CNTN5: variants seen among roughly 807,000 people sequenced by gnomAD.
CNTN5 encodes the protein contactin 5.
CNTN5 carries 77 observed loss-of-function variants against 129.1 expected under a neutral mutation model. The observed-to-expected ratio is 0.60, with a 90% CI of 0.50 to 0.72. The LOEUF (loss-of-function observed/expected upper bound fraction) is 0.72. Ranked by LOEUF, CNTN5 falls within the 30% of genes least tolerant of loss-of-function variation. CNTN5 has a pLI of 0.00. For missense variants in CNTN5, 1,478 were observed against 1,328.8 expected, an observed-to-expected ratio of 1.11 and a Z score of -1.75; for synonymous variants, 509 against 465.6, an observed-to-expected ratio of 1.09 and a Z score of -1.20.
chr11:99,626,353 C>G (rs565362577), intron 3 of CNTN5, among the ~76,000 whole-genome samples: 32 of 152,192 alleles, frequency 2.1e-4, no homozygotes, highest in Admixed American at 7.8e-4. Context: ...TTTTTAACAT[C>G]ACGGAATAAT....
At chr11:99,587,106 T>A (rs1433924006) in intron 3 of CNTN5, among the ~76,000 whole-genome samples, 1 of 151,970 alleles carries the variant, frequency 6.6e-6, no homozygotes, top group African/African-American at 2.4e-5. Context: ...CCAGGTCATA[T>A]TGCAATGAAG....
chr11:99,906,627 CA>C (rs1949513863), intron 6 of CNTN5, among the ~76,000 whole-genome samples: 1 of 151,966 alleles, frequency 6.6e-6, no homozygotes, highest in Non-Finnish European at 1.5e-5. Flanking sequence ...GTGTCTCTAC[CA>C]GGTTTTGGTA....
chr11:100,196,316 G>C (rs1268679442), intron 15 of CNTN5, among the ~76,000 whole-genome samples: 1 of 115,592 alleles, frequency 8.7e-6, no homozygotes, highest in Non-Finnish European at 2.0e-5. Flanking sequence ...GTGGGAAAAA[G>C]AGATAACAAT....
chr11:99,634,812 G>A (rs969281263), intron 3 of CNTN5, among the ~76,000 whole-genome samples: 5 of 152,118 alleles, frequency 3.3e-5, no homozygotes, highest in African/African-American at 1.2e-4. Context: ...ACAGAAGTAG[G>A]CAAGATGACA....
At chr11:100,152,702 C>G (rs1225412834) in intron 13 of CNTN5, among the ~76,000 whole-genome samples, 1 of 151,962 alleles carries the variant, frequency 6.6e-6, no homozygotes. Context: ...GAAGTATAAC[C>G]TGTATTATTT....
At chr11:99,878,803 C>T (rs1217859793) in intron 6 of CNTN5, among the ~76,000 whole-genome samples, 1 of 151,912 alleles carries the variant, frequency 6.6e-6, no homozygotes, top group African/African-American at 2.4e-5. Context: ...TGCAGTGAGC[C>T]GAGATTGGGC....
At chr11:99,629,346 G>C (rs1418487785) in intron 3 of CNTN5, among the ~76,000 whole-genome samples, 2 of 151,956 alleles carry the variant, frequency 1.3e-5, no homozygotes, top group Non-Finnish European at 2.9e-5. Flanking sequence ...ATTTGGACTA[G>C]AGTCCCAAAG....
chr11:100,204,431 T>G (rs1247530642), intron 15 of CNTN5, among the ~76,000 whole-genome samples: 1 of 146,676 alleles, frequency 6.8e-6, no homozygotes, highest in Admixed American at 7.0e-5. Flanking sequence ...GATATATAGA[T>G]ATCTATAGAT....
chr11:100,157,137 T>C (rs1190027498), intron 13 of CNTN5, among the ~76,000 whole-genome samples: 1 of 152,102 alleles, frequency 6.6e-6, no homozygotes, highest in South Asian at 2.1e-4. Flanking sequence ...TTTCTTAATA[T>C]GCAAATTAGT....
intron 21 of CNTN5, among the ~76,000 whole-genome samples, chr11:100,329,335 T>A (rs898295599): frequency 5.3e-5 from 8 of 152,156 alleles, no homozygotes; most frequent in Admixed American, 1.3e-4. Flanking sequence ...CTGGTAGTCT[T>A]TTTCTATCCA....
chr11:99,891,292 A>G (rs1033620698), intron 6 of CNTN5, among the ~76,000 whole-genome samples: 1 of 152,094 alleles, frequency 6.6e-6, no homozygotes, highest in African/African-American at 2.4e-5. Context: ...TCTAAAATGA[A>G]AAGTTTATTT....
chr11:99,557,903 C>G (rs1423397898), intron 3 of CNTN5, among the ~76,000 whole-genome samples: 1 of 151,542 alleles, frequency 6.6e-6, no homozygotes, highest in Non-Finnish European at 1.5e-5. Context: ...TATATAAAAG[C>G]CTTTTTATTG....
intron 2 of CNTN5, among the ~76,000 whole-genome samples, chr11:99,408,696 A>C (rs1265417035): frequency 6.6e-6 from 1 of 152,172 alleles, no homozygotes; most frequent in African/African-American, 2.4e-5. Context: ...TAAATTAATA[A>C]GTTTATACAC....
At chr11:99,114,654 A>G (rs1857957041) in intron 1 of CNTN5, among the ~76,000 whole-genome samples, 1 of 152,198 alleles carries the variant, frequency 6.6e-6, no homozygotes, top group Non-Finnish European at 1.5e-5. Context: ...TTAAAAAGTA[A>G]AATAGGCTTG....
chr11:99,786,631 A>G (rs1185783437), intron 3 of CNTN5, among the ~76,000 whole-genome samples: 2 of 152,242 alleles, frequency 1.3e-5, no homozygotes, highest in African/African-American at 4.8e-5. Flanking sequence ...TAATGGAAAC[A>G]GCATGGTACT....
chr11:100,001,969 C>A, intron 8 of CNTN5, 65 bp from the exon 9 acceptor site: 4 of 1,144,294 alleles, frequency 3.5e-6, no homozygotes, highest in South Asian at 3.0e-5. Flanking sequence ...AATGTAACAT[C>A]TCCAGGATTA....
At chr11:99,840,806 C>A (rs979257030) in intron 4 of CNTN5, among the ~76,000 whole-genome samples, 1 of 152,082 alleles carries the variant, frequency 6.6e-6, no homozygotes, top group South Asian at 2.1e-4. Flanking sequence ...AGTGTTATCT[C>A]CAACAAGTTA....
At chr11:99,897,982 A>G (rs183504904) in intron 6 of CNTN5, among the ~76,000 whole-genome samples, 10 of 152,274 alleles carry the variant, frequency 6.6e-5, no homozygotes, top group African/African-American at 2.4e-4. Context: ...AAGAAAAAGC[A>G]GGTTGAACAA....
intron 17 of CNTN5, among the ~76,000 whole-genome samples, chr11:100,257,725 C>G (rs1565377683): frequency 6.6e-6 from 1 of 152,242 alleles, no homozygotes; most frequent in East Asian, 1.9e-4. Flanking sequence ...AACTAACAAA[C>G]AGAAAGGAAT....
Sources: gnomAD v4.1 joint callset for allele counts (sites outside exome capture counted in the v4.1 genomes callset) on GRCh38, gnomAD v4.1.1 for gene constraint, MANE v1.5 for transcripts, NCBI Gene and HGNC (gene_info 2026-07-23, HGNC 2026-07-21) for gene names.